The following PBX1 variants were observed in gnomAD, a reference collection of about 807,000 sequenced individuals.
PBX1 encodes the protein pre-B-cell leukemia transcription factor 1.
A neutral mutation model predicts 53.4 loss-of-function variants in PBX1; 6 were observed. That is an observed-to-expected ratio of 0.11 (90% CI 0.06 to 0.22). PBX1 has a LOEUF of 0.22. Ranked by LOEUF, PBX1 falls within the 10% of genes least tolerant of loss-of-function variation. The pLI, the probability that PBX1 is intolerant of heterozygous loss-of-function variation, is 1.00. For missense variants in PBX1, 251 were observed against 551.4 expected, an observed-to-expected ratio of 0.46 and a Z score of 5.46; for synonymous variants, 204 against 212.3, an observed-to-expected ratio of 0.96 and a Z score of 0.34.
chr1:164,577,229 A>G (rs1230977542), intron 2 of PBX1, among the ~76,000 whole-genome samples: 1 of 152,150 alleles, frequency 6.6e-6, no homozygotes, highest in Non-Finnish European at 1.5e-5. Flanking sequence ...TTTTAACCCA[A>G]AGAACCTTGA....
At chr1:164,624,278 T>C (rs994628120) in intron 2 of PBX1, among the ~76,000 whole-genome samples, 1 of 152,230 alleles carries the variant, frequency 6.6e-6, no homozygotes, top group African/African-American at 2.4e-5. Context: ...AGATAGGTTC[T>C]TGTGCCAAAA....
At chr1:164,831,802 T>C (rs1417065816) in intron 8 of PBX1, among the ~76,000 whole-genome samples, 1 of 152,114 alleles carries the variant, frequency 6.6e-6, no homozygotes, top group East Asian at 1.9e-4. Flanking sequence ...CACAGAATAG[T>C]CTGTTCTTTT....
chr1:164,573,881 T>C (rs2101719556), intron 2 of PBX1, among the ~76,000 whole-genome samples: 1 of 152,360 alleles, frequency 6.6e-6, no homozygotes, highest in African/African-American at 2.4e-5. Context: ...AGCCATAGAA[T>C]AGTTGTTCTG....
intron 2 of PBX1, among the ~76,000 whole-genome samples, chr1:164,694,415 C>T (rs1173505028): frequency 3.3e-5 from 5 of 152,154 alleles, no homozygotes; most frequent in African/African-American, 7.2e-5. Flanking sequence ...CTTTGTCAAC[C>T]GCTGCATCCC....
chr1:164,632,112 C>T (rs1658448256), intron 2 of PBX1, among the ~76,000 whole-genome samples: 1 of 152,206 alleles, frequency 6.6e-6, no homozygotes, highest in African/African-American at 2.4e-5. Flanking sequence ...ACCACCCCCT[C>T]TCTGGACAAA....
Position 164,846,627 on chromosome 1 carries a change from C to T in PBX1, c.1244C>T (p.Thr415Ile). The change falls in exon 9 of 9, where the codon ACC becomes ATC. Residue 415 changes from threonine to isoleucine, a missense_variant. By Grantham distance (89) the Thr-to-Ile change is moderately conservative. Around this residue, in one of 4 missense-constraint regions of PBX1, gnomAD observed 92 missense variants for 130.4 expected, o/e 0.71. Transcript: ENST00000420696. Reference sequence around the variant, plus strand: ...GATGCTACTACCCCTTCATCAGTGACCTCCCCTACAGAAGGCCCTGGCAGT... The same window carrying T: ...GATGCTACTACCCCTTCATCAGTGATCTCCCCTACAGAAGGCCCTGGCAGT... ...WQDATTPSSVTSPTEGPGSVH... is the reference protein window; with the variant it reads ...WQDATTPSSVISPTEGPGSVH... 1 of 1,614,126 alleles carries T rather than the reference C, an allele frequency of 6.2e-7. No homozygotes were observed. Among genetic ancestry groups the T allele is most frequent in the South Asian group, 1.1e-5 (1 of 91,086 alleles).
chr1:164,859,826 A>G (rs1021684201), intron 2 of PBX1, among the ~76,000 whole-genome samples: 3 of 152,228 alleles, frequency 2.0e-5, no homozygotes, highest in Non-Finnish European at 4.4e-5. Flanking sequence ...AAGATTAAAC[A>G]AAACACAACC....
intron 2 of PBX1, among the ~76,000 whole-genome samples, chr1:164,568,505 C>G (rs1487167803): frequency 6.6e-6 from 1 of 152,100 alleles, no homozygotes. Context: ...TGCCCTTTAC[C>G]TGCAATGGTG....
intron 2 of PBX1, among the ~76,000 whole-genome samples, chr1:164,775,811 T>C (rs780592794): frequency 6.6e-6 from 1 of 152,166 alleles, no homozygotes; most frequent in African/African-American, 2.4e-5. Context: ...CTGAAACAAG[T>C]ACAGGTAAAC....
intron 2 of PBX1, among the ~76,000 whole-genome samples, chr1:164,868,834 G>T (rs969002959): frequency 1.3e-5 from 2 of 152,122 alleles, no homozygotes; most frequent in African/African-American, 4.8e-5. Context: ...TACAACCATT[G>T]TGATTCAGAT....
At chr1:164,761,298 A>G (rs1235605210) in intron 2 of PBX1, among the ~76,000 whole-genome samples, 5 of 152,258 alleles carry the variant, frequency 3.3e-5, no homozygotes, top group African/African-American at 1.2e-4. Flanking sequence ...ATAATCTTAC[A>G]TGCACATATT....
intron 8 of PBX1, among the ~76,000 whole-genome samples, chr1:164,825,777 C>T (rs1183112068): frequency 6.6e-6 from 1 of 152,156 alleles, no homozygotes; most frequent in East Asian, 1.9e-4. Flanking sequence ...TTTCACTCCT[C>T]CTATCCTTAA....
At chr1:164,628,703 C>T (rs574080401) in intron 2 of PBX1, among the ~76,000 whole-genome samples, 1 of 152,182 alleles carries the variant, frequency 6.6e-6, no homozygotes, top group South Asian at 2.1e-4. Context: ...CTGTGGAGGT[C>T]CTTTATATCT....
chr1:164,682,872 A>ATGGGATCCTTGCAGG (rs1199780710), intron 2 of PBX1: 1 of 152,166 alleles, frequency 6.6e-6, no homozygotes, highest in African/African-American at 2.4e-5. Flanking sequence ...TTCCTTGCAG[A>ATGGGATCCTTGCAGG]TGGGATCCTT....
At chr1:164,759,886 T>C (rs937937305) in intron 2 of PBX1, among the ~76,000 whole-genome samples, 5 of 152,136 alleles carry the variant, frequency 3.3e-5, no homozygotes, top group Non-Finnish European at 5.9e-5. Flanking sequence ...CATGAGCTAA[T>C]CAGATGCCCA....
At chr1:164,708,513 G>A (rs1663576430) in intron 2 of PBX1, among the ~76,000 whole-genome samples, 1 of 152,174 alleles carries the variant, frequency 6.6e-6, no homozygotes, top group Non-Finnish European at 1.5e-5. Flanking sequence ...AATGAACACA[G>A]CACTCAAGAG....
intron 6 of PBX1, chr1:164,816,658 G>A (rs2102355572): frequency 6.6e-6 from 1 of 152,188 alleles, no homozygotes; most frequent in South Asian, 2.1e-4. Flanking sequence ...CTATTGGATA[G>A]AGGATAACCA....
chr1:164,766,907 T>C (rs1667086899), intron 2 of PBX1, among the ~76,000 whole-genome samples: 1 of 151,928 alleles, frequency 6.6e-6, no homozygotes, highest in Non-Finnish European at 1.5e-5. Flanking sequence ...TTTTTGTATT[T>C]TTGGTAGAGA....
At chr1:164,721,063 G>A (rs1010460440) in intron 2 of PBX1, among the ~76,000 whole-genome samples, 3 of 152,160 alleles carry the variant, frequency 2.0e-5, no homozygotes, top group African/African-American at 4.8e-5. Flanking sequence ...GAAGATGGCC[G>A]AGCAAGCAAG....
Sources: gnomAD v4.1 joint callset for allele counts (sites outside exome capture counted in the v4.1 genomes callset) on GRCh38, gnomAD v4.1.1 for gene constraint, gnomAD v4.1.1 regional missense constraint, MANE v1.5 for transcripts, NCBI Gene and HGNC (gene_info 2026-07-23, HGNC 2026-07-21) for gene names.